The following DMD variants were observed in gnomAD, a reference collection of about 807,000 sequenced individuals.
The protein encoded by DMD is dystrophin, also known as mutant dystrophin.
Under a neutral mutation model 330.1 loss-of-function variants are expected in DMD, and 63 were observed. The observed-to-expected ratio is 0.19, with a 90% CI of 0.16 to 0.24. The LOEUF (loss-of-function observed/expected upper bound fraction) is 0.24, where lower values mean the gene tolerates loss of function less well. Among genes scored for constraint, DMD ranks in the 10% least tolerant of loss-of-function variants. DMD has a pLI of 1.00. For missense variants in DMD, 3,344 were observed against 2,684.1 expected, an observed-to-expected ratio of 1.25 and a Z score of -5.43; for synonymous variants, 1,223 against 959.8, an observed-to-expected ratio of 1.27 and a Z score of -5.07.
At chrX:31,489,904 G>A (rs928558318) in intron 57 of DMD, among the ~76,000 whole-genome samples, 1 of 111,666 alleles carries the variant, frequency 9.0e-6, no homozygotes, top group Admixed American at 9.5e-5. Flanking sequence ...GAGAAGACTG[G>A]TAGAGAAGTC....
At chrX:32,728,342 A>C (rs1349884341) in intron 7 of DMD, among the ~76,000 whole-genome samples, 1 of 111,916 alleles carries the variant, frequency 8.9e-6, no homozygotes, top group African/African-American at 3.2e-5. Context: ...CAATGTTGTA[A>C]TACAGGCAAA....
chrX:32,705,230 C>CT (rs1569475016), intron 7 of DMD, among the ~76,000 whole-genome samples: 1 of 111,553 alleles, frequency 9.0e-6, no homozygotes, highest in East Asian at 2.8e-4. Context: ...TTAAGTACTC[C>CT]TTAATTAATC....
At chrX:32,091,985 T>C (rs2096478148) in intron 44 of DMD, among the ~76,000 whole-genome samples, 1 of 111,612 alleles carries the variant, frequency 9.0e-6, no homozygotes, top group African/African-American at 3.3e-5. Context: ...TAACTTTTCT[T>C]TGGTGTACAT....
intron 55 of DMD, among the ~76,000 whole-genome samples, chrX:31,601,774 C>T (rs1413469764): frequency 2.7e-5 from 3 of 110,426 alleles, no homozygotes; most frequent in Admixed American, 9.6e-5. Context: ...TTATATATTT[C>T]GTTAGTGACA....
At chrX:31,166,136 TTAAAA>T (rs1033918476) in intron 74 of DMD, among the ~76,000 whole-genome samples, 3 of 112,338 alleles carry the variant, frequency 2.7e-5, no homozygotes, top group African/African-American at 9.7e-5. Context: ...TATGCTACAA[TTAAAA>T]TAAATTCAGC....
At chrX:31,423,238 CT>C (rs778422863) in intron 60 of DMD, among the ~76,000 whole-genome samples, 1 of 111,593 alleles carries the variant, frequency 9.0e-6, no homozygotes, top group African/African-American at 3.2e-5. Flanking sequence ...ACTGGATTTG[CT>C]GTGATACTTA....
At chrX:31,951,222 T>C (rs1038507488) in intron 45 of DMD, among the ~76,000 whole-genome samples, 3 of 99,280 alleles carry the variant, frequency 3.0e-5, no homozygotes, top group East Asian at 6.0e-4. Flanking sequence ...AACCTGGAGG[T>C]AATTTTATAA....
At chrX:32,605,948 T>G (rs2056660818) in intron 12 of DMD, among the ~76,000 whole-genome samples, 1 of 110,265 alleles carries the variant, frequency 9.1e-6, no homozygotes, top group South Asian at 3.8e-4. Context: ...ATGAGATGTT[T>G]TGATACAGGC....
chrX:32,444,887 G>T (rs1160180177), intron 27 of DMD, among the ~76,000 whole-genome samples: 1 of 110,918 alleles, frequency 9.0e-6, no homozygotes, highest in African/African-American at 3.3e-5. Context: ...TCAGGAAGGG[G>T]TGGTTGGTAT....
intron 1 of DMD, among the ~76,000 whole-genome samples, chrX:33,143,442 T>C (rs2148594937): frequency 9.0e-6 from 1 of 111,309 alleles, no homozygotes; most frequent in Non-Finnish European, 1.9e-5. Flanking sequence ...TTCTAGAAAA[T>C]GAGTGACAAA....
intron 45 of DMD, among the ~76,000 whole-genome samples, chrX:31,967,297 G>GGT (rs746437287): frequency 0.045 from 3,350 of 74,461 alleles, 86 homozygotes; most frequent in South Asian, 0.07. Flanking sequence ...TTTGGCAAGG[G>GGT]GTGTGTGTGT....
upstream of DMD, among the ~76,000 whole-genome samples, chrX:33,213,044 A>C (rs1479824977): frequency 4.5e-5 from 5 of 111,084 alleles, no homozygotes; most frequent in South Asian, 1.5e-3. Context: ...GTCGGTCCCA[A>C]ACCAACATCA....
intron 53 of DMD, among the ~76,000 whole-genome samples, chrX:31,667,177 T>C (rs1173457639): frequency 1.8e-5 from 2 of 111,939 alleles, no homozygotes; most frequent in Non-Finnish European, 3.8e-5. Context: ...AATGTATTGA[T>C]ACAATTTGGG....
chrX:32,367,623 A>G (rs1452697816), intron 34 of DMD, among the ~76,000 whole-genome samples: 1 of 111,939 alleles, frequency 8.9e-6, no homozygotes, highest in African/African-American at 3.2e-5. Flanking sequence ...AACTTAGGGG[A>G]TAATGTTGCA....
intron 52 of DMD, among the ~76,000 whole-genome samples, chrX:31,694,991 C>A (rs1162640409): frequency 9.0e-6 from 1 of 110,851 alleles, no homozygotes; most frequent in Non-Finnish European, 1.9e-5. Flanking sequence ...TAGCACTGTT[C>A]ACAACAGGCA....
intron 1 of DMD, among the ~76,000 whole-genome samples, chrX:33,225,409 A>C (rs1442165230): frequency 8.9e-6 from 1 of 111,735 alleles, no homozygotes. Flanking sequence ...ATAGACCCAC[A>C]CAAATTGCTC....
At chrX:31,290,006 C>T (rs1299793140) in intron 62 of DMD, among the ~76,000 whole-genome samples, 11 of 107,707 alleles carry the variant, frequency 1.0e-4, no homozygotes, top group African/African-American at 2.0e-4. Context: ...CTGCAACCTC[C>T]GCCTCCTGGG....
intron 7 of DMD, among the ~76,000 whole-genome samples, chrX:32,770,148 T>G (rs771947942): frequency 8.9e-6 from 1 of 111,831 alleles, no homozygotes; most frequent in Non-Finnish European, 1.9e-5. Context: ...AAAGCCGGAT[T>G]TTGTTTAGAA....
At position 31,146,412 on chromosome X, in the gene DMD, G is replaced by T. The variant is rs2147922697; in HGVS notation, c.10800C>A (p.Pro3600=). Residue 3600 remains proline (P), a splice_region_variant and synonymous_variant, in exon 76 of 79, where the codon CCC becomes CCA. Transcript: ENST00000357033. ...TGCCATTCACTTTGGCCTCTGCCTGGGGCTAAGTCATCCAAAAGAAAACAG... is the reference window on the plus strand; with the variant it reads ...TGCCATTCACTTTGGCCTCTGCCTGTGGCTAAGTCATCCAAAAGAAAACAG... The part of the protein sequence containing the change: ...LHRLRQLLEQ[P]QAEAKVNGTT... 1 of 1,209,184 alleles carries T rather than the reference G, an allele frequency of 8.3e-7. No homozygotes were observed. The highest frequency in any genetic ancestry group is 1.8e-5 in the South Asian group (1 of 56,832).
Sources: gnomAD v4.1 joint callset for allele counts (sites outside exome capture counted in the v4.1 genomes callset) on GRCh38, gnomAD v4.1.1 for gene constraint, MANE v1.5 for transcripts, NCBI Gene and HGNC (gene_info 2026-07-23, HGNC 2026-07-21) for gene names.